MACROD2: variants seen among roughly 807,000 people sequenced by gnomAD.
The protein encoded by MACROD2 is ADP-ribose glycohydrolase MACROD2.
MACROD2 carries 36 observed loss-of-function variants against 70.4 expected under a neutral mutation model. That is an observed-to-expected ratio of 0.51 (90% CI 0.39 to 0.68). MACROD2 has a LOEUF of 0.68. MACROD2 is among the 30% of genes least tolerant of loss of function. MACROD2 has a pLI of 0.00. For missense variants in MACROD2, 496 were observed against 538.4 expected, an observed-to-expected ratio of 0.92 and a Z score of 0.78; for synonymous variants, 172 against 178.8, an observed-to-expected ratio of 0.96 and a Z score of 0.30.
chr20:14,364,381 G>A (rs2083253195), intron 3 of MACROD2, among the ~76,000 whole-genome samples: 2 of 152,158 alleles, frequency 1.3e-5, no homozygotes, highest in Middle Eastern at 3.4e-3. Context: ...GTTTAGTTTT[G>A]CCTATCATTT....
intron 5 of MACROD2, among the ~76,000 whole-genome samples, chr20:15,160,320 C>T (rs988209841): frequency 3.3e-5 from 5 of 152,040 alleles, no homozygotes; most frequent in Middle Eastern, 3.4e-3. Flanking sequence ...ACTATCATAG[C>T]GATTTGATAT....
intron 6 of MACROD2, among the ~76,000 whole-genome samples, chr20:15,286,707 G>A (rs1418281463): frequency 1.3e-5 from 2 of 152,170 alleles, no homozygotes; most frequent in Non-Finnish European, 2.9e-5. Context: ...TTCTAGCCAA[G>A]AAGACACAGT....
rs1245273775 is a variant in MACROD2 at position 14,841,612 on chromosome 20, G to A, written c.418+156653G>A. ...ACAATGCAGCTTTTGTAGGTGATCA[G>A]ATAGAAGTGTCTTGCTGTTCTATTG... is the stretch of plus-strand genomic sequence containing the variant. On this transcript the variant is annotated intron_variant, in intron 5 of 17. Coordinates refer to ENST00000684519, the MANE Select transcript of MACROD2 (RefSeq NM_001351661.2). Among the ~76,000 whole-genome samples, 9 of 152,150 alleles carry A rather than the reference G, an allele frequency of 5.9e-5. No individual in the cohort carries two copies. In the South Asian group the frequency reaches 6.2e-4, roughly 11 times the overall value.
chr20:15,474,269 A>G lies in MACROD2; in HGVS notation c.572-25505A>G, dbSNP rs76173869. On this transcript the variant is annotated intron_variant, in intron 7 of 17. Transcript: ENST00000684519. ...CTTTAGCTTTCCAAATTGTATTTCT[A>G]TTTATTCATTCTACGTTTGTGGATG... 1.2e-4 allele frequency among the ~76,000 whole-genome samples: 18 copies of G among 152,234 alleles called. No homozygotes were observed. In the East Asian group the frequency reaches 3.3e-3, roughly 28 times the overall value.
At chr20:15,167,587 C>T (rs920935487) in intron 5 of MACROD2, among the ~76,000 whole-genome samples, 2 of 152,172 alleles carry the variant, frequency 1.3e-5, no homozygotes, top group African/African-American at 4.8e-5. Context: ...CCCCTGCTCT[C>T]ATTATCTACT....
chr20:14,277,421 GA>G (rs1041621820), intron 3 of MACROD2, among the ~76,000 whole-genome samples: 1 of 152,238 alleles, frequency 6.6e-6, no homozygotes, highest in Non-Finnish European at 1.5e-5. Flanking sequence ...CCAGCGTGGT[GA>G]CAGAGTGAGA....
intron 8 of MACROD2, among the ~76,000 whole-genome samples, chr20:15,686,997 T>C (rs1447944650): frequency 7.8e-6 from 1 of 127,670 alleles, no homozygotes; most frequent in African/African-American, 3.7e-5. Flanking sequence ...AGCTAGTTTC[T>C]TTTTTTTTTC....
At chr20:15,457,844 T>A (rs1365319692) in intron 7 of MACROD2, among the ~76,000 whole-genome samples, 1 of 151,984 alleles carries the variant, frequency 6.6e-6, no homozygotes, top group Non-Finnish European at 1.5e-5. Flanking sequence ...GCATCTTATC[T>A]CTTGTTCTAA....
In MACROD2 at chr20:14,862,027, A is replaced by ATATATATATTTATATATATATT. The variant is rs1295498886; in HGVS notation, c.418+177069_418+177070insATATATATTTATATATATATTT. Among the ~76,000 whole-genome samples the ATATATATATTTATATATATATT allele has an allele frequency of 3.0e-4, 4 of 13,482 alleles. 1 individual carries two copies. Among genetic ancestry groups the ATATATATATTTATATATATATT allele is most frequent in the South Asian group, 2.6e-3 (1 of 392 alleles). The allele number at this position is 13,482 out of a possible 152,430, so 8.8% of individuals were successfully genotyped here. A position where few individuals can be genotyped will look rare whatever the true frequency, so the allele number is the denominator to read the frequency against. ...TATTTATATATATATATTTATATAT[A>ATATATATATTTATATATATATT]TTTATATATATTTATATATATATTT... On this transcript the variant is annotated intron_variant, in intron 5 of 17. Coordinates refer to ENST00000684519, the MANE Select transcript of MACROD2 (RefSeq NM_001351661.2).
At chr20:14,185,169 C>T (rs1224647316) in intron 3 of MACROD2, among the ~76,000 whole-genome samples, 1 of 151,900 alleles carries the variant, frequency 6.6e-6, no homozygotes, top group African/African-American at 2.4e-5. Context: ...TAGCATTTAC[C>T]CCCTTTTTAT....
At chr20:14,864,009 GC>G (rs1489136880) in intron 5 of MACROD2, among the ~76,000 whole-genome samples, 5 of 151,970 alleles carry the variant, frequency 3.3e-5, no homozygotes, top group African/African-American at 1.2e-4. Flanking sequence ...GAGAAGTGGG[GC>G]CATACTACAT....
rs77139846 is a variant in MACROD2 at position 15,191,071 on chromosome 20, G to T, written c.419-38869G>T. Among the ~76,000 whole-genome samples the T allele has an allele frequency of 2.8e-4, 42 of 152,276 alleles. No individual in the cohort carries two copies. In the East Asian group the frequency reaches 8.1e-3, roughly 29 times the overall value. On this transcript the variant is annotated intron_variant, in intron 5 of 17. Coordinates refer to ENST00000684519, the MANE Select transcript of MACROD2 (RefSeq NM_001351661.2). ...AAACTGTATACATAGTTAATCCAGG[G>T]CACATATAGTTTATTTGGGAAGTGA... is the stretch of plus-strand genomic sequence containing the variant.
chr20:14,587,371 C>G (rs1568685213), intron 4 of MACROD2, among the ~76,000 whole-genome samples: 1 of 151,624 alleles, frequency 6.6e-6, no homozygotes, highest in Non-Finnish European at 1.5e-5. Context: ...AGCTTCGTCT[C>G]ATTTTCACAA....
rs537327721 is a variant in MACROD2, at chr20:14,916,222, C to T, written c.418+231263C>T. 2.6e-5 allele frequency among the ~76,000 whole-genome samples: 4 copies of T among 152,284 alleles called. No homozygotes were observed. The South Asian group carries it at 8.3e-4, about 32-fold the overall frequency. On this transcript the variant is annotated intron_variant, in intron 5 of 17. Transcript: ENST00000684519. Reference sequence around the variant, plus strand: ...TTCCCAACTCCGTCAGAGTTCTGCCCTCCTTCCCATTTGGGGAGCTGAACT... The same window carrying T: ...TTCCCAACTCCGTCAGAGTTCTGCCTTCCTTCCCATTTGGGGAGCTGAACT...
chr20:15,900,455 T>C (rs950470642), intron 10 of MACROD2, among the ~76,000 whole-genome samples: 3 of 152,108 alleles, frequency 2.0e-5, no homozygotes, highest in Non-Finnish European at 4.4e-5. Context: ...CACCACAAAG[T>C]AGTAGAAGGA....
chr20:15,550,794 C>T (rs1221051469), intron 8 of MACROD2, among the ~76,000 whole-genome samples: 1 of 152,118 alleles, frequency 6.6e-6, no homozygotes, highest in Non-Finnish European at 1.5e-5. Flanking sequence ...CTCCTTTATT[C>T]CTCTCAACAA....
chr20:15,663,848 A>G (rs1395149383), intron 8 of MACROD2, among the ~76,000 whole-genome samples: 1 of 152,152 alleles, frequency 6.6e-6, no homozygotes, highest in Non-Finnish European at 1.5e-5. Flanking sequence ...GGCCCCACTC[A>G]TCAACATACC....
At chr20:15,140,338 G>T (rs923068743) in intron 5 of MACROD2, among the ~76,000 whole-genome samples, 4 of 92,144 alleles carry the variant, frequency 4.3e-5, no homozygotes, top group African/African-American at 1.6e-4. Context: ...ACAGAGAAAG[G>T]CCTATCAGTA....
intron 5 of MACROD2, among the ~76,000 whole-genome samples, chr20:14,820,611 A>C (rs143408439): frequency 3.6e-4 from 55 of 152,102 alleles, no homozygotes; most frequent in African/African-American, 1.3e-3. Flanking sequence ...ATATGAATCC[A>C]GGTATAGTGG....
Sources: gnomAD v4.1 joint callset for allele counts (sites outside exome capture counted in the v4.1 genomes callset) on GRCh38, gnomAD v4.1.1 for gene constraint, MANE v1.5 for transcripts, NCBI Gene and HGNC (gene_info 2026-07-23, HGNC 2026-07-21) for gene names.